The following SHANK2 variants were observed in gnomAD, a reference collection of about 807,000 sequenced individuals.
SHANK2 encodes the protein SH3 and multiple ankyrin repeat domains 2.
In SHANK2, 43 loss-of-function variants were observed where a neutral mutation model predicts 133.7. The observed-to-expected ratio is 0.32, with a 90% confidence interval of 0.25 to 0.41. SHANK2 has a LOEUF of 0.41. SHANK2 is among the 10% of genes least tolerant of loss of function. SHANK2 has a pLI of 1.00. For synonymous variants in SHANK2, 1,017 were observed against 952.8 expected (o/e 1.07, Z -1.24); for missense variants, 1,994 against 2,235.8 (o/e 0.89, Z 2.18).
intron 8 of SHANK2, among the ~76,000 whole-genome samples, chr11:71,089,334 C>CGTCT (rs1951464542): frequency 6.6e-6 from 1 of 152,166 alleles, no homozygotes; most frequent in African/African-American, 2.4e-5. Flanking sequence ...AGGGCGTGAG[C>CGTCT]GTCTGCATGG....
chr11:71,110,513 G>A (rs1951876560), intron 5 of SHANK2, among the ~76,000 whole-genome samples: 1 of 152,144 alleles, frequency 6.6e-6, no homozygotes, highest in Non-Finnish European at 1.5e-5. Flanking sequence ...GCTGAGGCAG[G>A]AGGATCGCCT....
At chr11:70,619,113 C>T (rs2060795787) in intron 17 of SHANK2, among the ~76,000 whole-genome samples, 2 of 152,248 alleles carry the variant, frequency 1.3e-5, no homozygotes, top group Admixed American at 1.3e-4. Context: ...GCCTGTGACA[C>T]TCTAAGGACT....
At chr11:71,224,644 C>G (rs1380463016) in intron 2 of SHANK2, 53 bp downstream of exon 2, 1 of 152,294 alleles carries the variant, frequency 6.6e-6, no homozygotes, top group Non-Finnish European at 1.5e-5. Flanking sequence ...CAAACCCAGA[C>G]AGTGGCCACT....
rs1426116863 is a variant in SHANK2 at position 71,076,082 on chromosome 11, C to T, written c.913-807G>A. Reference sequence around the variant, plus strand: ...CACGAGGCTGGGCACTGAGTCAGCACTTGGTGAGTCAGTGATGCCCCTCCC... The same window carrying T: ...CACGAGGCTGGGCACTGAGTCAGCATTTGGTGAGTCAGTGATGCCCCTCCC... On this transcript the variant is annotated intron_variant, in intron 8 of 25. Coordinates refer to ENST00000601538, the MANE Select transcript of SHANK2 (RefSeq NM_012309.5). 1.1e-4 allele frequency among the ~76,000 whole-genome samples: 17 copies of T among 152,226 alleles called. 2 individuals carry two copies. The highest frequency in any genetic ancestry group is 4.4e-5 in the Non-Finnish European group (3 of 68,046).
chr11:70,889,288 G>T (rs1300654644), intron 11 of SHANK2, among the ~76,000 whole-genome samples: 1 of 152,166 alleles, frequency 6.6e-6, no homozygotes, highest in Non-Finnish European at 1.5e-5. Flanking sequence ...GCATCCACAA[G>T]CCCAGGAACT....
At position 70,798,473 on chromosome 11, in the gene SHANK2, C is replaced by A. The variant is rs1480710698; in HGVS notation, c.1747G>T (p.Val583Phe). 1 of 718,510 alleles carries A rather than the reference C, an allele frequency of 1.4e-6. No homozygotes were observed. The highest frequency in any genetic ancestry group is 2.7e-5 in the East Asian group (1 of 37,282). The allele number at this position is 718,510 out of a possible 1,614,324, so 44.5% of individuals were successfully genotyped here. A position where few individuals can be genotyped will look rare whatever the true frequency, so the allele number is the denominator to read the frequency against. The change falls in exon 14 of 26, where the codon GTC becomes TTC. Residue 583 changes from valine (V) to phenylalanine (F), a missense_variant. Physicochemically the swap from Val to Phe is conservative, Grantham distance 50. This residue lies in a region of SHANK2 where 653 missense variants were observed against 563.4 expected (regional missense o/e 1.16). Transcript: ENST00000601538. ...TGGCTGTCCCTGGGCTTACACTGGA[C>A]CTCCTCCACGCACTCCGCCGGAAAC... ...GWFPAECVEEVQCKPRDSQAE... is the reference protein window; with the variant it reads ...GWFPAECVEEFQCKPRDSQAE...
chr11:70,810,128 G>A (rs1470595594), intron 12 of SHANK2, among the ~76,000 whole-genome samples: 5 of 152,172 alleles, frequency 3.3e-5, no homozygotes, highest in Admixed American at 2.0e-4. Context: ...AGCTAGGTTT[G>A]GTGGCCTCCT....
chr11:70,793,413 G>A (rs948713099), intron 14 of SHANK2, among the ~76,000 whole-genome samples: 6 of 152,092 alleles, frequency 3.9e-5, no homozygotes, highest in South Asian at 2.1e-4. Context: ...AAATGAAAAC[G>A]CAAGTCACAG....
intron 2 of SHANK2, among the ~76,000 whole-genome samples, chr11:71,181,668 A>C (rs1555113779): frequency 1.3e-5 from 2 of 152,114 alleles, no homozygotes; most frequent in Admixed American, 6.5e-5. Flanking sequence ...ATGGTGAAGC[A>C]CTGCAATACC....
At chr11:70,666,109 G>A (rs1216769903) in intron 15 of SHANK2, among the ~76,000 whole-genome samples, 1 of 152,086 alleles carries the variant, frequency 6.6e-6, no homozygotes, top group Non-Finnish European at 1.5e-5. Context: ...ATGACTACAG[G>A]GTTTCGAGTA....
intron 10 of SHANK2, among the ~76,000 whole-genome samples, chr11:70,918,617 G>A (rs559221196): frequency 8.0e-4 from 122 of 152,040 alleles, no homozygotes; most frequent in Non-Finnish European, 1.5e-3. Context: ...GTGATTCTCC[G>A]GCCTCAGCCT....
intron 3 of SHANK2, among the ~76,000 whole-genome samples, chr11:71,121,972 C>T (rs189041188): frequency 4.6e-5 from 7 of 152,136 alleles, no homozygotes; most frequent in Admixed American, 2.0e-4. Context: ...GTTAGAATGG[C>T]GATCATTAAA....
At chr11:71,219,757 G>A (rs1473514069) in intron 2 of SHANK2, among the ~76,000 whole-genome samples, 1 of 152,000 alleles carries the variant, frequency 6.6e-6, no homozygotes, top group Admixed American at 6.6e-5. Flanking sequence ...AATTAGCCAG[G>A]CATGGTGGTG....
rs374531932 is a variant in SHANK2 at position 71,198,606 on chromosome 11, G to A, written c.-13+26091C>T. Among the ~76,000 whole-genome samples, 23 of 152,168 alleles carry A rather than the reference G, an allele frequency of 1.5e-4. No individual in the cohort carries two copies. The South Asian group carries it at 2.3e-3, about 15-fold the overall frequency. ...GACCACAGCTGACCCCGCAGACGCC[G>A]TCCCCTACCAACCCCCATCCATGGC... is the stretch of plus-strand genomic sequence containing the variant. On this transcript the variant is annotated intron_variant, in intron 2 of 25. Transcript: ENST00000601538.
At chr11:71,085,633 A>ATATATTAAATATATAT (rs1951376325) in intron 8 of SHANK2, among the ~76,000 whole-genome samples, 1 of 66,990 alleles carries the variant, frequency 1.5e-5, no homozygotes, top group African/African-American at 5.8e-5. Context: ...ATATTATAAT[A>ATATATTAAATATATAT]TATATAATAT....
At chr11:71,087,297 G>C (rs1004581072) in intron 8 of SHANK2, among the ~76,000 whole-genome samples, 1 of 152,154 alleles carries the variant, frequency 6.6e-6, no homozygotes, top group Non-Finnish European at 1.5e-5. Flanking sequence ...AGATGGGCCC[G>C]GAGACATTTG....
intron 17 of SHANK2, among the ~76,000 whole-genome samples, chr11:70,614,050 C>G (rs1430361035): frequency 6.6e-6 from 1 of 152,130 alleles, no homozygotes; most frequent in African/African-American, 2.4e-5. Context: ...CAGGCATGAG[C>G]CATTGCGCCC....
intron 21 of SHANK2, among the ~76,000 whole-genome samples, chr11:70,496,243 A>C (rs2058969133): frequency 6.6e-6 from 1 of 152,122 alleles, no homozygotes; most frequent in Non-Finnish European, 1.5e-5. Flanking sequence ...TTACAATTTA[A>C]ATGAGCCAAA....
chr11:71,127,199 T>C (rs782459210), intron 3 of SHANK2, among the ~76,000 whole-genome samples: 6 of 152,168 alleles, frequency 3.9e-5, no homozygotes, highest in Admixed American at 6.5e-5. Flanking sequence ...AATCTCATGA[T>C]AAAACTTGAA....
Sources: gnomAD v4.1 joint callset for allele counts (sites outside exome capture counted in the v4.1 genomes callset) on GRCh38, gnomAD v4.1.1 for gene constraint, gnomAD v4.1.1 regional missense constraint, MANE v1.5 for transcripts, NCBI Gene and HGNC (gene_info 2026-07-23, HGNC 2026-07-21) for gene names.